LRRC74A: variants seen among roughly 807,000 people sequenced by gnomAD.
LRRC74A encodes the protein leucine-rich repeat-containing protein 74A.
A neutral mutation model predicts 57.9 loss-of-function variants in LRRC74A; 44 were observed. The ratio of observed to expected loss-of-function variants is 0.76; its 90% CI spans 0.60 to 0.98. The LOEUF (loss-of-function observed/expected upper bound fraction) is 0.98, where lower values mean the gene tolerates loss of function less well. Ranked by LOEUF, LRRC74A falls within the 50% of genes least tolerant of loss-of-function variation. The pLI, the probability that LRRC74A is intolerant of heterozygous loss-of-function variation, is 0.00. For synonymous variants in LRRC74A, 211 were observed against 219.4 expected (o/e 0.96, Z 0.34); for missense variants, 572 against 574.0 (o/e 1.00, Z 0.04).
At chr14:76,844,507 C>A (rs372832824) in intron 6 of LRRC74A, 35 bp downstream of exon 6, 4 of 1,605,718 alleles carry the variant, frequency 2.5e-6, no homozygotes, top group South Asian at 1.1e-5. Context: ...GCCACGTGGG[C>A]GATGTCCCTG....
In LRRC74A at chr14:76,870,105, TC is replaced by T; in HGVS notation, c.1392-17del. 1 of 1,609,972 alleles carries T rather than the reference TC, an allele frequency of 6.2e-7. No homozygotes were observed. The highest frequency in any genetic ancestry group is 1.1e-5 in the South Asian group (1 of 89,922). ...AGGCTGTACGGGTGCTCAGCATCTT[TC>T]CCTTACCTTTCGTACCAGTTTCTTG... On this transcript the variant is annotated intron_variant, in intron 13 of 13. Transcript: ENST00000689127.
chr14:76,836,315 G>A lies in LRRC74A; in HGVS notation c.447+1G>A, dbSNP rs773188123. 13 of 1,598,732 alleles carry A rather than the reference G, an allele frequency of 8.1e-6. No individual in the cohort carries two copies. Among genetic ancestry groups the A allele is most frequent in the Middle Eastern group, 1.7e-4 (1 of 6,028 alleles). ...AGAGAACTACTACCTCCAGGAGATGGTACTGTGCCCCCCTGTGCTGGCTCT... is the reference window on the plus strand; with the variant it reads ...AGAGAACTACTACCTCCAGGAGATGATACTGTGCCCCCCTGTGCTGGCTCT... On this transcript the variant is annotated splice_donor_variant, in intron 4 of 13. Coordinates refer to ENST00000689127, the MANE Select transcript of LRRC74A (RefSeq NM_001385106.1). LOFTEE classifies it high-confidence loss of function.
In LRRC74A at chr14:76,831,207, T is replaced by A; in HGVS notation, c.171T>A (p.Asp57Glu). 2 of 1,613,496 alleles carry A rather than the reference T, an allele frequency of 1.2e-6. No individual in the cohort carries two copies. The highest frequency in any genetic ancestry group is 1.7e-6 in the Non-Finnish European group (2 of 1,179,482). ...NSETDLEIED[D>E]EKFFTTGQKE... ...TCAGCCCATCTTTCTCTGCAGATGA[T>A]GAGAAATTTTTCACCACTGGACAAA... The change falls in exon 3 of 14, where the codon GAT becomes GAA. Residue 57 changes from aspartate (D) to glutamate (E), a missense_variant. Coordinates refer to ENST00000689127, the MANE Select transcript of LRRC74A (RefSeq NM_001385106.1).
At chr14:76,828,947 G>T in intron 2 of LRRC74A, 1 of 1,217,900 alleles carries the variant, frequency 8.2e-7, no homozygotes, top group Non-Finnish European at 1.1e-6. Flanking sequence ...TTGCATCCCA[G>T]TGACTTTCCC....
chr14:76,857,525 C>T (rs1435295695), intron 10 of LRRC74A, 50 bp downstream of exon 10: 2 of 1,305,234 alleles, frequency 1.5e-6, no homozygotes, highest in South Asian at 1.3e-5. Flanking sequence ...GCCAGTGACC[C>T]TGTCCACTCT....
At chr14:76,839,841 C>T (rs1896627992) in intron 5 of LRRC74A, among the ~76,000 whole-genome samples, 1 of 152,124 alleles carries the variant, frequency 6.6e-6, no homozygotes, top group African/African-American at 2.4e-5. Context: ...AGCAATTCTC[C>T]TGCCTCAGCC....
chr14:76,829,994 G>A (rs1026827162), intron 2 of LRRC74A, among the ~76,000 whole-genome samples: 6 of 152,170 alleles, frequency 3.9e-5, no homozygotes, highest in African/African-American at 1.4e-4. Flanking sequence ...ACTAGGGGAG[G>A]GGGGTTGCTA....
At chr14:76,864,576 G>A (rs189665942) in intron 11 of LRRC74A, among the ~76,000 whole-genome samples, 14 of 152,138 alleles carry the variant, frequency 9.2e-5, no homozygotes, top group East Asian at 1.9e-4. Context: ...TTGTAAGGCC[G>A]GATGCAGTAG....
In LRRC74A at chr14:76,859,359, A is replaced by AC. The variant is rs1296060035; in HGVS notation, c.1054-1330dup. 2.6e-5 allele frequency among the ~76,000 whole-genome samples: 4 copies of AC among 151,814 alleles called. No individual in the cohort carries two copies. In the East Asian group the frequency reaches 7.8e-4, roughly 30 times the overall value. ...AGACCAGCCTGACCAACATGGAGAA[A>AC]CCCCGTCTCTACTAAAAATACAAAA... On this transcript the variant is annotated intron_variant, in intron 10 of 13. Transcript: ENST00000689127.
At chr14:76,839,166 C>A (rs912829870) in intron 5 of LRRC74A, among the ~76,000 whole-genome samples, 2 of 152,090 alleles carry the variant, frequency 1.3e-5, no homozygotes, top group Admixed American at 1.3e-4. Flanking sequence ...GTACATGTAT[C>A]TTTTAGGCAC....
intron 3 of LRRC74A, among the ~76,000 whole-genome samples, chr14:76,833,974 T>C (rs541595285): frequency 1.3e-5 from 2 of 152,326 alleles, no homozygotes; most frequent in Middle Eastern, 3.4e-3. Context: ...ACTGTTAGAA[T>C]GTAAGTTCCT....
At chr14:76,858,149 G>A (rs1422947000) in intron 10 of LRRC74A, among the ~76,000 whole-genome samples, 1 of 152,220 alleles carries the variant, frequency 6.6e-6, no homozygotes, top group Non-Finnish European at 1.5e-5. Context: ...AGGCTGCTGT[G>A]AAGTACCACA....
At chr14:76,864,168 A>T (rs1281393189) in intron 11 of LRRC74A, among the ~76,000 whole-genome samples, 1 of 151,906 alleles carries the variant, frequency 6.6e-6, no homozygotes, top group Non-Finnish European at 1.5e-5. Flanking sequence ...TGCACTTTGG[A>T]TGTGTTGATT....
intron 10 of LRRC74A, among the ~76,000 whole-genome samples, chr14:76,859,520 A>C: frequency 7.0e-6 from 1 of 143,610 alleles, no homozygotes; most frequent in Admixed American, 7.1e-5. Flanking sequence ...GGCAACAAGA[A>C]TGAAACTCCA....
At chr14:76,832,464 C>T (rs182570484) in intron 3 of LRRC74A, among the ~76,000 whole-genome samples, 180 of 152,298 alleles carry the variant, frequency 1.2e-3, no homozygotes, top group African/African-American at 4.1e-3. Context: ...TTCACTATTG[C>T]ACCCAACTAA....
intron 4 of LRRC74A, 86 bp downstream of exon 4, chr14:76,836,400 C>T (rs1474399426): frequency 3.0e-6 from 3 of 984,490 alleles, no homozygotes; most frequent in Non-Finnish European, 4.5e-6. Context: ...CTGCCAGGAC[C>T]CAGGCTGCCT....
rs374684867 is a variant in LRRC74A at position 76,842,771 on chromosome 14, G to T, written c.545-1652G>T. On this transcript the variant is annotated intron_variant, in intron 5 of 13. Coordinates refer to ENST00000689127, the MANE Select transcript of LRRC74A (RefSeq NM_001385106.1). ...TGAGGGTTCAAAGGAGGAAATTTGG[G>T]AATAAGGCTCTATGTCATGTACTTC... Among the ~76,000 whole-genome samples, 42 of 152,158 alleles carry T rather than the reference G, an allele frequency of 2.8e-4. 2 individuals are homozygous for T. The South Asian group carries it at 6.2e-3, about 23-fold the overall frequency.
At chr14:76,832,398 C>G (rs1175019987) in intron 3 of LRRC74A, among the ~76,000 whole-genome samples, 2 of 152,190 alleles carry the variant, frequency 1.3e-5, no homozygotes, top group Non-Finnish European at 2.9e-5. Flanking sequence ...GATTTGACCT[C>G]CTGAGCTTAA....
chr14:76,851,823 A>G (rs1897518092), intron 7 of LRRC74A, among the ~76,000 whole-genome samples: 2 of 151,802 alleles, frequency 1.3e-5, no homozygotes, highest in South Asian at 2.1e-4. Flanking sequence ...GCGCCACCGC[A>G]CCCAGCTAAT....
Sources: gnomAD v4.1 joint callset for allele counts (sites outside exome capture counted in the v4.1 genomes callset) on GRCh38, gnomAD v4.1.1 for gene constraint, MANE v1.5 for transcripts, NCBI Gene and HGNC (gene_info 2026-07-23, HGNC 2026-07-21) for gene names.